Variants in PTCSC3 observed in about 807,000 individuals in gnomAD.
PTCSC3 encodes papillary thyroid carcinoma susceptibility candidate 3.
intron 2 of PTCSC3, among the ~76,000 whole-genome samples, chr14:36,156,610 G>A (rs1375635190): frequency 6.6e-6 from 1 of 151,928 alleles, no homozygotes; most frequent in Non-Finnish European, 1.5e-5. Flanking sequence ...TCCCCTCCCT[G>A]TGTCCATGTG....
At chr14:36,152,518 A>G (rs1881745352) in intron 3 of PTCSC3, among the ~76,000 whole-genome samples, 1 of 152,174 alleles carries the variant, frequency 6.6e-6, no homozygotes, top group Non-Finnish European at 1.5e-5. Flanking sequence ...AAAGATATTC[A>G]CAATACAAAT....
intron 2 of PTCSC3, among the ~76,000 whole-genome samples, chr14:36,157,606 G>A (rs144133723): frequency 1.2e-3 from 188 of 151,942 alleles, no homozygotes; most frequent in African/African-American, 4.1e-3. Context: ...AGTTTTCTGC[G>A]TATGGCTAGC....
At chr14:36,135,864 T>G (rs960750455), downstream of PTCSC3, among the ~76,000 whole-genome samples, 77 of 31,904 alleles carry the variant, frequency 2.4e-3, no homozygotes, top group African/African-American at 3.8e-3. Flanking sequence ...GAGGGACAGA[T>G]ATATATATAT....
intron 2 of PTCSC3, among the ~76,000 whole-genome samples, chr14:36,154,269 A>G (rs1881783972): frequency 6.6e-6 from 1 of 152,178 alleles, no homozygotes; most frequent in Non-Finnish European, 1.5e-5. Context: ...TGGTAGTTAC[A>G]TGGAGTTTAC....
At chr14:36,151,389 T>C (rs1881720388) in intron 3 of PTCSC3, among the ~76,000 whole-genome samples, 1 of 152,176 alleles carries the variant, frequency 6.6e-6, no homozygotes, top group Non-Finnish European at 1.5e-5. Context: ...CTTGGTATTC[T>C]CTGAGCTTTC....
chr14:36,156,714 T>C (rs1048173878), intron 2 of PTCSC3, among the ~76,000 whole-genome samples: 2 of 152,152 alleles, frequency 1.3e-5, no homozygotes, highest in African/African-American at 4.8e-5. Flanking sequence ...GTTTCCAGCT[T>C]CATCCATGTC....
intron 3 of PTCSC3, among the ~76,000 whole-genome samples, chr14:36,143,258 G>T (rs1881469169): frequency 2.2e-5 from 3 of 138,584 alleles, no homozygotes; most frequent in Admixed American, 1.5e-4. Context: ...GGTTGAACTA[G>T]TTTACAGTCC....
intron 2 of PTCSC3, among the ~76,000 whole-genome samples, chr14:36,159,626 A>C (rs184723115): frequency 6.6e-6 from 1 of 152,158 alleles, no homozygotes; most frequent in Non-Finnish European, 1.5e-5. Flanking sequence ...TATGATTTCC[A>C]TTCTTTTGCA....
At chr14:36,151,586 G>A (rs1351673124) in intron 3 of PTCSC3, among the ~76,000 whole-genome samples, 2 of 151,944 alleles carry the variant, frequency 1.3e-5, no homozygotes, top group Admixed American at 6.6e-5. Flanking sequence ...ATATTATTTT[G>A]TGATTAAAAT....
At chr14:36,145,579 C>G (rs1220913249) in intron 3 of PTCSC3, among the ~76,000 whole-genome samples, 76 of 130,386 alleles carry the variant, frequency 5.8e-4, no homozygotes, top group Middle Eastern at 3.8e-3. Context: ...TGCTAGCGGT[C>G]TATCAATTTT....
At chr14:36,174,747 G>T (rs1882252812) in intron 1 of PTCSC3, among the ~76,000 whole-genome samples, 1 of 152,106 alleles carries the variant, frequency 6.6e-6, no homozygotes, top group African/African-American at 2.4e-5. Context: ...ATCTTGTCGG[G>T]GTTTGGTTTC....
At chr14:36,160,922 CT>C (rs1881941793) in intron 2 of PTCSC3, among the ~76,000 whole-genome samples, 1 of 152,014 alleles carries the variant, frequency 6.6e-6, no homozygotes, top group Non-Finnish European at 1.5e-5. Flanking sequence ...TTGTTCATTC[CT>C]TTTTATTCTT....
At chr14:36,150,192 A>T (rs1293585052) in intron 3 of PTCSC3, among the ~76,000 whole-genome samples, 2 of 152,086 alleles carry the variant, frequency 1.3e-5, no homozygotes, top group Non-Finnish European at 2.9e-5. Flanking sequence ...TCCCCTCAAA[A>T]TTCATGTTTT....
rs374457873 is a variant in PTCSC3, at chr14:36,146,424, G to A, written n.322+7380C>T. ...CCCTTTACCATTATTTAATGGCCTTGTTTGTCTCTTTTGATCTTTGTTGGT... is the reference window on the plus strand; with the variant it reads ...CCCTTTACCATTATTTAATGGCCTTATTTGTCTCTTTTGATCTTTGTTGGT... On this transcript the variant is annotated intron_variant and non_coding_transcript_variant, in intron 3 of 3. Transcript: ENST00000556013. Among the ~76,000 whole-genome samples, 3 of 143,356 alleles carry A rather than the reference G, an allele frequency of 2.1e-5. No individual in the cohort carries two copies. The East Asian group carries it at 6.1e-4, about 29-fold the overall frequency. 94.0% of individuals were successfully genotyped at this position (143,356 alleles called of 152,430 possible). A position where few individuals can be genotyped will look rare whatever the true frequency, so the allele number is the denominator to read the frequency against.
intron 3 of PTCSC3, among the ~76,000 whole-genome samples, chr14:36,147,434 CT>C (rs1436078441): frequency 6.6e-6 from 1 of 152,140 alleles, no homozygotes; most frequent in Non-Finnish European, 1.5e-5. Flanking sequence ...TGCTGATACC[CT>C]TTCTTCCAGT....
intron 3 of PTCSC3, among the ~76,000 whole-genome samples, chr14:36,146,794 C>T (rs982524777): frequency 8.5e-5 from 13 of 152,124 alleles, no homozygotes; most frequent in African/African-American, 3.1e-4. Flanking sequence ...TTTGCAGCGG[C>T]TGGTACTGGT....
chr14:36,165,055 A>G (rs1324274772), intron 1 of PTCSC3: 1 of 152,366 alleles, frequency 6.6e-6, no homozygotes, highest in South Asian at 2.1e-4. Context: ...TATGCAAATA[A>G]AGAGCCGCAG....
intron 2 of PTCSC3, among the ~76,000 whole-genome samples, chr14:36,160,246 T>C (rs1432845211): frequency 6.6e-6 from 1 of 152,232 alleles, no homozygotes; most frequent in Non-Finnish European, 1.5e-5. Flanking sequence ...AATATTGTTA[T>C]GTGTGAATTT....
chr14:36,155,687 T>C (rs1881811727), intron 2 of PTCSC3, among the ~76,000 whole-genome samples: 1 of 152,168 alleles, frequency 6.6e-6, no homozygotes, highest in Non-Finnish European at 1.5e-5. Flanking sequence ...CCTCTCTTTC[T>C]CTGTGTCCTG....
Sources: allele counts gnomAD v4.1 joint callset (sites outside exome capture counted in the v4.1 genomes callset), GRCh38; gene constraint gnomAD v4.1.1; transcripts MANE v1.5; gene names NCBI Gene and HGNC (gene_info 2026-07-23, HGNC 2026-07-21).